Variants in NLK observed in about 807,000 individuals in gnomAD.
NLK encodes the protein serine/threonine-protein kinase NLK.
A neutral mutation model predicts 59.0 loss-of-function variants in NLK; 11 were observed. The observed-to-expected ratio is 0.19, with a 90% CI of 0.12 to 0.31. The LOEUF (loss-of-function observed/expected upper bound fraction) is 0.31. Among genes scored for constraint, NLK ranks in the 10% least tolerant of loss-of-function variants. The pLI, the probability that NLK is intolerant of heterozygous loss-of-function variation, is 1.00. For missense variants in NLK, 410 were observed against 661.1 expected (o/e 0.62, Z 4.16); for synonymous variants, 235 against 235.9 (o/e 1.00, Z 0.03).
chr17:28,181,982 C>G lies in NLK; in HGVS notation c.1150-3197C>G, dbSNP rs556784762. Reference sequence around the variant, plus strand: ...CTGAGATCGCACCATTGCGCTCCAGCCTGGGGGACAGAGCAAGACCCTGTC... The same window carrying G: ...CTGAGATCGCACCATTGCGCTCCAGGCTGGGGGACAGAGCAAGACCCTGTC... On this transcript the variant is annotated intron_variant, in intron 7 of 10. Coordinates refer to ENST00000407008, the MANE Select transcript of NLK (RefSeq NM_016231.5). 4.6e-5 allele frequency among the ~76,000 whole-genome samples: 7 copies of G among 152,298 alleles called. No individual in the cohort carries two copies. The East Asian group carries it at 1.4e-3, about 29-fold the overall frequency.
chr17:28,077,206 A>G (rs1372834340), intron 1 of NLK, among the ~76,000 whole-genome samples: 1 of 150,526 alleles, frequency 6.6e-6, no homozygotes, highest in Non-Finnish European at 1.5e-5. Flanking sequence ...GCTGATAAAG[A>G]CGTGCTTGAG....
intron 1 of NLK, among the ~76,000 whole-genome samples, chr17:28,062,489 T>G (rs1909695584): frequency 6.6e-6 from 1 of 152,220 alleles, no homozygotes; most frequent in East Asian, 1.9e-4. Flanking sequence ...TTTTTAAAAT[T>G]TACTATAATG....
At position 28,061,493 on chromosome 17, in the gene NLK, C is replaced by T. The variant is rs549988329; in HGVS notation, c.458+18162C>T. Among the ~76,000 whole-genome samples, 5 of 152,190 alleles carry T rather than the reference C, an allele frequency of 3.3e-5. No individual in the cohort carries two copies. In the South Asian group the frequency reaches 1.0e-3, roughly 32 times the overall value. On this transcript the variant is annotated intron_variant, in intron 1 of 10. Transcript: ENST00000407008. ...GTTATTACATGGTTTGTGGAGGCCT[C>T]AGCTGTAAGACACTTCATGGTATCT... is the stretch of plus-strand genomic sequence containing the variant.
intron 8 of NLK, among the ~76,000 whole-genome samples, chr17:28,190,601 A>G (rs1210549614): frequency 6.6e-6 from 1 of 152,074 alleles, no homozygotes; most frequent in Non-Finnish European, 1.5e-5. Flanking sequence ...AATTTCAAGC[A>G]ACTTTGAAAA....
At chr17:28,188,964 T>A (rs543858656) in intron 8 of NLK, among the ~76,000 whole-genome samples, 2 of 146,538 alleles carry the variant, frequency 1.4e-5, no homozygotes, top group East Asian at 4.1e-4. Flanking sequence ...GAGATACACA[T>A]ACACAGACAA....
At chr17:28,075,841 C>A (rs1026825251) in intron 1 of NLK, among the ~76,000 whole-genome samples, 7 of 152,136 alleles carry the variant, frequency 4.6e-5, no homozygotes, top group Admixed American at 1.3e-4. Context: ...ACCCTTTAAT[C>A]TTACACTGTA....
intron 1 of NLK, among the ~76,000 whole-genome samples, chr17:28,075,594 A>T (rs760766248): frequency 6.6e-6 from 1 of 152,196 alleles, no homozygotes; most frequent in Non-Finnish European, 1.5e-5. Flanking sequence ...TATTTTACAA[A>T]ATTGGGCATT....
At position 28,131,809 on chromosome 17, in the gene NLK, A is replaced by G. The variant is rs577818929; in HGVS notation, c.589-811A>G. On this transcript the variant is annotated intron_variant, in intron 2 of 10. Coordinates refer to ENST00000407008, the MANE Select transcript of NLK (RefSeq NM_016231.5). ...CTTTTATAAAGGACTTGCGTCGTAAAGTCTTTTTTCCTCACCCTAGTGACT... is the reference window on the plus strand; with the variant it reads ...CTTTTATAAAGGACTTGCGTCGTAAGGTCTTTTTTCCTCACCCTAGTGACT... 3.2e-4 allele frequency among the ~76,000 whole-genome samples: 48 copies of G among 152,248 alleles called. No individual in the cohort carries two copies. The Middle Eastern group carries it at 0.014, about 43-fold the overall frequency.
chr17:28,179,882 T>G (rs1455321398), intron 7 of NLK, among the ~76,000 whole-genome samples: 26 of 148,920 alleles, frequency 1.7e-4, no homozygotes, highest in African/African-American at 4.2e-4. Context: ...GTTTTTTTTT[T>G]TTTTTTTTTT....
intron 8 of NLK, among the ~76,000 whole-genome samples, chr17:28,185,610 G>T (rs1374395017): frequency 6.6e-6 from 1 of 152,140 alleles, no homozygotes; most frequent in African/African-American, 2.4e-5. Flanking sequence ...GTGCAGAGGT[G>T]TGATCTCAGC....
rs145378166 is a variant in NLK at position 28,132,667 on chromosome 17, T to C, written c.636T>C (p.Phe212=). 1.5e-5 allele frequency: 24 copies of C among 1,609,380 alleles called. No homozygotes were observed. The highest frequency in any genetic ancestry group is 1.2e-4 in the African/African-American group (9 of 74,864). The part of the protein sequence containing the change: ...DILQPPHIDY[F]EEIYVVTELM... ...TCCAACCTCCACACATTGACTATTT[T>C]GAAGAAATGTATCCTAACCAGGGAA... is the stretch of plus-strand genomic sequence containing the variant. Residue 212 remains phenylalanine (F), a synonymous_variant, in exon 3 of 11, where the codon TTT becomes TTC. Coordinates refer to ENST00000407008, the MANE Select transcript of NLK (RefSeq NM_016231.5).
chr17:28,049,131 A>G (rs113290859), intron 1 of NLK, among the ~76,000 whole-genome samples: 4 of 152,370 alleles, frequency 2.6e-5, no homozygotes, highest in African/African-American at 7.2e-5. Context: ...CATGATAGAC[A>G]TAGTCAGTAG....
At chr17:28,142,677 T>G (rs762001735) in intron 3 of NLK, among the ~76,000 whole-genome samples, 1 of 152,204 alleles carries the variant, frequency 6.6e-6, no homozygotes, top group Non-Finnish European at 1.5e-5. Context: ...GTTTCATATC[T>G]GAGTACTAGG....
intron 1 of NLK, among the ~76,000 whole-genome samples, chr17:28,056,404 A>G (rs1040914012): frequency 1.1e-4 from 16 of 152,358 alleles, no homozygotes; most frequent in African/African-American, 3.8e-4. Context: ...TTGGGGGCTG[A>G]GCCAGAGTTT....
At chr17:28,201,172 C>T (rs1406089157), downstream of NLK, among the ~76,000 whole-genome samples, 1 of 152,150 alleles carries the variant, frequency 6.6e-6, no homozygotes, top group Non-Finnish European at 1.5e-5. Flanking sequence ...CCTCCACCTC[C>T]CAGGGTCAAG....
chr17:28,168,511 G>A lies in NLK; in HGVS notation c.901G>A (p.Val301Ile), dbSNP rs758386656. Residue 301 changes from valine to isoleucine, a missense_variant, in exon 6 of 11, where the codon GTT becomes ATT. Transcript: ENST00000407008. ...TGAATCCCGTCATATGACTCAGGAA[G>A]TTGTTACTCAGTATTATCGGGCTCC... ...LDESRHMTQE[V>I]VTQYYRAPEI... The A allele has an allele frequency of 6.2e-7, 1 of 1,613,882 alleles. No individual in the cohort carries two copies. The highest frequency in any genetic ancestry group is 1.1e-5 in the South Asian group (1 of 91,082).
chr17:28,122,584 C>G lies in NLK; in HGVS notation c.459-19C>G. 1 of 1,611,350 alleles carries G rather than the reference C, an allele frequency of 6.2e-7. No individual in the cohort carries two copies. On this transcript the variant is annotated intron_variant, in intron 1 of 10. Transcript: ENST00000407008. ...TTCTCTGTCTTTTTTTTCCCCTTCC[C>G]CAAATATTGCTTCTTTAGGTCAGTA... is the stretch of plus-strand genomic sequence containing the variant.
chr17:28,122,524 A>T, intron 1 of NLK, 79 bp from the exon 2 acceptor site: 1 of 1,464,212 alleles, frequency 6.8e-7, no homozygotes, highest in East Asian at 2.3e-5. Flanking sequence ...TATTGTCATG[A>T]TCTGAAACAT....
chr17:28,120,235 GGTGTGT>G (rs10542547), intron 1 of NLK, among the ~76,000 whole-genome samples: 3,720 of 139,100 alleles, frequency 0.027, 46 homozygotes, highest in South Asian at 0.04. Context: ...TTTGGCTTGG[GGTGTGT>G]GTGTGTGTGT....
Sources: allele counts gnomAD v4.1 joint callset (sites outside exome capture counted in the v4.1 genomes callset), GRCh38; gene constraint gnomAD v4.1.1; transcripts MANE v1.5; gene names NCBI Gene and HGNC (gene_info 2026-07-23, HGNC 2026-07-21).